Variants in BMERB1 observed in about 807,000 individuals in gnomAD.
BMERB1 encodes the protein bMERB domain containing 1.
A neutral mutation model predicts 23.6 loss-of-function variants in BMERB1; 12 were observed. The ratio of observed to expected loss-of-function variants is 0.51; its 90% CI spans 0.33 to 0.82. The LOEUF is 0.82. BMERB1 is among the 40% of genes least tolerant of loss of function. BMERB1 has a pLI of 0.03. For missense variants in BMERB1, 247 were observed against 255.4 expected, an observed-to-expected ratio of 0.97 and a Z score of 0.22; for synonymous variants, 122 against 96.6, an observed-to-expected ratio of 1.26 and a Z score of -1.54.
intron 2 of BMERB1, among the ~76,000 whole-genome samples, chr16:15,519,413 CAG>C (rs2051821895): frequency 3.9e-5 from 6 of 152,200 alleles, no homozygotes; most frequent in Admixed American, 3.9e-4. Flanking sequence ...TTTCTTGTGA[CAG>C]AGTCTCGCTC....
chr16:15,515,978 C>T (rs1019861646), intron 2 of BMERB1, among the ~76,000 whole-genome samples: 1 of 152,168 alleles, frequency 6.6e-6, no homozygotes, highest in South Asian at 2.1e-4. Context: ...AAGTTGGGCT[C>T]TGAGTGTGTG....
At chr16:15,477,102 A>C (rs1379902826) in intron 1 of BMERB1, among the ~76,000 whole-genome samples, 1 of 152,186 alleles carries the variant, frequency 6.6e-6, no homozygotes, top group Non-Finnish European at 1.5e-5. Flanking sequence ...TCATGCTGCT[A>C]TGAAGAAATA....
intron 2 of BMERB1, among the ~76,000 whole-genome samples, chr16:15,552,413 C>CT (rs2030118122): frequency 1.3e-5 from 2 of 151,894 alleles, no homozygotes; most frequent in Non-Finnish European, 2.9e-5. Flanking sequence ...GCACTCCGGC[C>CT]TGGGCGACAG....
intron 1 of BMERB1, among the ~76,000 whole-genome samples, chr16:15,444,136 T>TTTTTTTTTTTTTTTTTTTTTTG: frequency 7.7e-6 from 1 of 130,254 alleles, no homozygotes; most frequent in Non-Finnish European, 1.6e-5. Flanking sequence ...TTTTTTTTTT[T>TTTTTTTTTTTTTTTTTTTTTTG]TTTTTTTTTT....
chr16:15,502,570 A>C (rs1297154298), intron 1 of BMERB1, among the ~76,000 whole-genome samples: 1 of 152,172 alleles, frequency 6.6e-6, no homozygotes, highest in Admixed American at 6.5e-5. Context: ...GCATCCCGTA[A>C]TAGGATGCTT....
At chr16:15,572,241 C>G (rs957576721) in intron 3 of BMERB1, among the ~76,000 whole-genome samples, 3 of 152,140 alleles carry the variant, frequency 2.0e-5, no homozygotes, top group African/African-American at 7.2e-5. Context: ...TAATACTACC[C>G]CCCGCATGGT....
At chr16:15,435,741 C>G (rs186080162) in intron 1 of BMERB1, among the ~76,000 whole-genome samples, 6 of 152,304 alleles carry the variant, frequency 3.9e-5, no homozygotes, top group Admixed American at 3.3e-4. Context: ...TCTGTCCTCA[C>G]CTGGTGGAAA....
intron 2 of BMERB1, among the ~76,000 whole-genome samples, chr16:15,545,087 C>T (rs896841312): frequency 1.3e-5 from 2 of 152,194 alleles, no homozygotes; most frequent in African/African-American, 4.8e-5. Context: ...ATTCTCCCGC[C>T]TCAGCCTCCC....
chr16:15,501,608 G>A (rs1449783178), intron 1 of BMERB1, among the ~76,000 whole-genome samples: 1 of 152,168 alleles, frequency 6.6e-6, no homozygotes, highest in African/African-American at 2.4e-5. Flanking sequence ...CTGAATAGCT[G>A]GGATTACAGG....
chr16:15,507,692 A>G (rs927703326), intron 1 of BMERB1, among the ~76,000 whole-genome samples: 1 of 152,110 alleles, frequency 6.6e-6, no homozygotes, highest in Admixed American at 6.6e-5. Flanking sequence ...TGTGATCAAG[A>G]AAGGAACAGT....
intron 3 of BMERB1, among the ~76,000 whole-genome samples, chr16:15,568,589 G>GAT (rs1367913435): frequency 1.3e-5 from 2 of 152,142 alleles, no homozygotes; most frequent in Non-Finnish European, 2.9e-5. Flanking sequence ...AGTGAGCTGA[G>GAT]ATTGTGCCAT....
In BMERB1 at chr16:15,581,206, C is replaced by T. The variant is rs773674482; in HGVS notation, c.305-11C>T. 5.6e-6 allele frequency: 9 copies of T among 1,598,928 alleles called. No individual in the cohort carries two copies. The highest frequency in any genetic ancestry group is 6.8e-6 in the Non-Finnish European group (8 of 1,171,324). On this transcript the variant is annotated splice_polypyrimidine_tract_variant and intron_variant, in intron 3 of 5. Transcript: ENST00000300006. ...TGCTCATCTGTCTCCTTGTTGATGTCTTCTTTCCAGAAAAAGAAAAAACCA... is the reference window on the plus strand; with the variant it reads ...TGCTCATCTGTCTCCTTGTTGATGTTTTCTTTCCAGAAAAAGAAAAAACCA...
chr16:15,444,152 G>GTTTTTTTTTTTTTTTTTTTTTTTTTTT (rs2050970099), intron 1 of BMERB1, among the ~76,000 whole-genome samples: 1 of 19,842 alleles, frequency 5.0e-5, no homozygotes, highest in Non-Finnish European at 1.1e-4. Flanking sequence ...TTTTTTTTTG[G>GTTTTTTTTTTTTTTTTTTTTTTTTTTT]CTGTTTCTTT....
chr16:15,546,970 C>G (rs2029936756), intron 2 of BMERB1, among the ~76,000 whole-genome samples: 1 of 151,278 alleles, frequency 6.6e-6, no homozygotes, highest in African/African-American at 2.4e-5. Flanking sequence ...TGGAGGATTT[C>G]TGTTACATTC....
At chr16:15,537,358 A>T (rs1423306822) in intron 2 of BMERB1, among the ~76,000 whole-genome samples, 4 of 147,062 alleles carry the variant, frequency 2.7e-5, no homozygotes, top group East Asian at 4.0e-4. Context: ...CTTATTCTTA[A>T]TTTTTTTTTT....
intron 1 of BMERB1, among the ~76,000 whole-genome samples, chr16:15,469,916 A>G (rs7499020): frequency 6.6e-6 from 1 of 152,102 alleles, no homozygotes; most frequent in Non-Finnish European, 1.5e-5. Flanking sequence ...TAGACACTTA[A>G]GTCATCTGCA....
Position 15,531,376 on chromosome 16 carries a change from G to A in BMERB1, c.230+15948G>A, listed in dbSNP as rs75764784. On this transcript the variant is annotated intron_variant, in intron 2 of 5. Transcript: ENST00000300006. ...CCTAAAGTCCTAGGATTAGAAGCAT[G>A]AGCCACCATGCCTGGCCCAAAATCC... is the stretch of plus-strand genomic sequence containing the variant. Among the ~76,000 whole-genome samples the A allele has an allele frequency of 1.7e-3, 257 of 152,266 alleles. 4 individuals are homozygous for A. In the East Asian group the frequency reaches 0.038, roughly 23 times the overall value.
At chr16:15,463,359 C>T (rs2051152946) in intron 1 of BMERB1, among the ~76,000 whole-genome samples, 1 of 152,004 alleles carries the variant, frequency 6.6e-6, no homozygotes, top group African/African-American at 2.4e-5. Context: ...CTCCCAAAGC[C>T]CTGGGATTGC....
chr16:15,473,982 T>C (rs1461771335), intron 1 of BMERB1, among the ~76,000 whole-genome samples: 1 of 151,800 alleles, frequency 6.6e-6, no homozygotes, highest in Non-Finnish European at 1.5e-5. Context: ...TAGCCGGGCG[T>C]GGTGGCAGGT....
Sources: gnomAD v4.1 joint callset for allele counts (sites outside exome capture counted in the v4.1 genomes callset) on GRCh38, gnomAD v4.1.1 for gene constraint, MANE v1.5 for transcripts, NCBI Gene and HGNC (gene_info 2026-07-23, HGNC 2026-07-21) for gene names.